Variants in CCDC149 observed in about 807,000 individuals in gnomAD.
CCDC149 encodes the protein coiled-coil domain containing 149, also known as coiled-coil domain-containing protein 149.
In CCDC149, 45 loss-of-function variants were observed where a neutral mutation model predicts 59.9. The ratio of observed to expected loss-of-function variants is 0.75; its 90% confidence interval spans 0.59 to 0.96. The LOEUF (loss-of-function observed/expected upper bound fraction) is 0.96, where lower values mean the gene tolerates loss of function less well. Ranked by LOEUF, CCDC149 falls within the 40% of genes least tolerant of loss-of-function variation. CCDC149 has a pLI of 0.00. For missense variants in CCDC149, 584 were observed against 664.7 expected, an observed-to-expected ratio of 0.88 and a Z score of 1.33; for synonymous variants, 245 against 260.6, an observed-to-expected ratio of 0.94 and a Z score of 0.58.
Position 24,808,648 on chromosome 4 carries a change from T to C in CCDC149, c.1364A>G (p.Asn455Ser). 19 of 1,552,414 alleles carry C rather than the reference T, an allele frequency of 1.2e-5. No homozygotes were observed. Among genetic ancestry groups the C allele is most frequent in the Non-Finnish European group, 1.5e-5 (17 of 1,147,146 alleles). Residue 455 changes from asparagine to serine, a missense_variant, in exon 13 of 13, where the codon AAC becomes AGC. Transcript: ENST00000635206. ...TTTAATTATTTCCCTCCCAAGGCTG[T>C]TTACTTCTTCCTCAGAAGGTAACTG...
chr4:24,940,204 A>G (rs1291467651), intron 1 of CCDC149, among the ~76,000 whole-genome samples: 1 of 152,254 alleles, frequency 6.6e-6, no homozygotes, highest in Admixed American at 6.5e-5. Flanking sequence ...CTCTTGGCAG[A>G]AACTCTACAA....
intron 4 of CCDC149, among the ~76,000 whole-genome samples, chr4:24,845,391 C>A (rs1717222048): frequency 6.6e-6 from 1 of 152,214 alleles, no homozygotes; most frequent in African/African-American, 2.4e-5. Flanking sequence ...CACTCTCTAG[C>A]CCCTTATCCT....
chr4:24,821,096 A>G lies in CCDC149; in HGVS notation c.1043-9T>C. 4 of 1,230,768 alleles carry G rather than the reference A, an allele frequency of 3.2e-6. No individual in the cohort carries two copies. The highest frequency in any genetic ancestry group is 4.1e-6 in the Non-Finnish European group (4 of 987,128). The allele number at this position is 1,230,768 out of a possible 1,614,324, so 76.2% of individuals were successfully genotyped here. On this transcript the variant is annotated splice_polypyrimidine_tract_variant and intron_variant, in intron 10 of 12. Coordinates refer to ENST00000635206, the MANE Select transcript of CCDC149 (RefSeq NM_001330643.2). Reference sequence around the variant, plus strand: ...AACATTGTAGCTCAGGCCTTCAGGCAGCAAAAAGAAAAAAAGGAAATAATT... The same window carrying G: ...AACATTGTAGCTCAGGCCTTCAGGCGGCAAAAAGAAAAAAAGGAAATAATT...
chr4:24,967,016 A>T (rs997920904), intron 1 of CCDC149, among the ~76,000 whole-genome samples: 12 of 152,190 alleles, frequency 7.9e-5, no homozygotes, highest in African/African-American at 2.9e-4. Context: ...TTTCATTGAC[A>T]GTTATGGAGG....
rs551353928 is a variant in CCDC149 at position 24,953,455 on chromosome 4, A to G, written c.-65+26614T>C. Reference sequence around the variant, plus strand: ...GCATTCAAAAACAACTGCCTGTACTAGCAAAATTAGAAAGTGACTGCGCAT... The same window carrying G: ...GCATTCAAAAACAACTGCCTGTACTGGCAAAATTAGAAAGTGACTGCGCAT... On this transcript the variant is annotated intron_variant, in intron 1 of 12. Coordinates refer to the CCDC149 transcript ENST00000389609. Among the ~76,000 whole-genome samples, 140 of 152,318 alleles carry G rather than the reference A, an allele frequency of 9.2e-4. 2 individuals are homozygous for G. Among genetic ancestry groups the G allele is most frequent in the African/African-American group, 3.1e-3 (127 of 41,554 alleles).
At chr4:24,844,710 T>C (rs911062716) in intron 4 of CCDC149, among the ~76,000 whole-genome samples, 1 of 151,686 alleles carries the variant, frequency 6.6e-6, no homozygotes, top group African/African-American at 2.4e-5. Context: ...GAGGCGGAGG[T>C]TGCAGTGAGC....
intron 1 of CCDC149, among the ~76,000 whole-genome samples, chr4:24,945,399 A>G (rs1407006026): frequency 2.0e-5 from 3 of 152,164 alleles, no homozygotes; most frequent in African/African-American, 7.2e-5. Flanking sequence ...GTGGTAACAG[A>G]GGCAGAGATT....
At chr4:24,861,565 T>C (rs993456023) in intron 3 of CCDC149, among the ~76,000 whole-genome samples, 3 of 151,654 alleles carry the variant, frequency 2.0e-5, no homozygotes, top group Non-Finnish European at 4.4e-5. Context: ...TGCACCAAAA[T>C]CTAAGAAATC....
intron 2 of CCDC149, among the ~76,000 whole-genome samples, chr4:24,874,244 G>GTTTTTTTTTTTTTTGTTTTTTTTTTT (rs1719242804): frequency 1.1e-5 from 1 of 87,486 alleles, no homozygotes; most frequent in African/African-American, 5.8e-5. Flanking sequence ...TATTAGATTT[G>GTTTTTTTTTTTTTTGTTTTTTTTTTT]TTTTTTTTTT....
chr4:24,976,150 CCT>C (rs1351849125), intron 1 of CCDC149, among the ~76,000 whole-genome samples: 3 of 152,290 alleles, frequency 2.0e-5, no homozygotes, highest in Non-Finnish European at 4.4e-5. Flanking sequence ...CCAATAATTA[CCT>C]TTTTCCTTAA....
At chr4:24,812,841 G>A (rs1714716625) in intron 12 of CCDC149, among the ~76,000 whole-genome samples, 1 of 152,198 alleles carries the variant, frequency 6.6e-6, no homozygotes, top group African/African-American at 2.4e-5. Context: ...GATTTTGTGA[G>A]ACTTATTCGC....
In CCDC149 at chr4:24,875,956, T is replaced by C. The variant is rs987189720; in HGVS notation, c.225+580A>G. 1.1e-4 allele frequency among the ~76,000 whole-genome samples: 16 copies of C among 152,246 alleles called. No individual in the cohort carries two copies. The South Asian group carries it at 3.3e-3, about 32-fold the overall frequency. ...GTCCAAACATGTTAAATAGAAAATT[T>C]CAACAATAAATAATTTATAAATTTT... is the stretch of plus-strand genomic sequence containing the variant. On this transcript the variant is annotated intron_variant, in intron 2 of 12. Transcript: ENST00000635206.
rs1472061450 is a variant in CCDC149, at chr4:24,912,850, C to T, written c.30G>A (p.Arg10=). The change falls in exon 1 of 13, where the codon CGG becomes CGA. Residue 10 remains arginine, a synonymous_variant. Coordinates refer to ENST00000635206, the MANE Select transcript of CCDC149 (RefSeq NM_001330643.2). ...CCAGCCCCTGCCAGTCGCTCTCAGT[C>T]CGGTCGCCGTTCATGGCCTCCTCCT... 2.2e-6 allele frequency: 3 copies of T among 1,380,764 alleles called. No homozygotes were observed. The East Asian group carries it at 1.1e-4, about 51-fold the overall frequency. The allele number at this position is 1,380,764 out of a possible 1,614,324, so 85.5% of individuals were successfully genotyped here.
chr4:24,881,909 G>A (rs1313511110), intron 1 of CCDC149, among the ~76,000 whole-genome samples: 3 of 152,178 alleles, frequency 2.0e-5, no homozygotes, highest in African/African-American at 2.4e-5. Context: ...AAGGGATTGC[G>A]AAGCCAGAAT....
chr4:24,930,103 G>A (rs116537244), intron 1 of CCDC149, among the ~76,000 whole-genome samples: 488 of 152,334 alleles, frequency 3.2e-3, no homozygotes, highest in African/African-American at 0.011. Context: ...TTACTTGCCT[G>A]TTTTTCAGCT....
Position 24,822,562 on chromosome 4 carries a change from T to C in CCDC149, c.977A>G (p.Asn326Ser). The C allele has an allele frequency of 6.5e-7, 1 of 1,533,394 alleles. No individual in the cohort carries two copies. The highest frequency in any genetic ancestry group is 8.8e-7 in the Non-Finnish European group (1 of 1,139,380). The allele number at this position is 1,533,394 out of a possible 1,614,324, so 95.0% of individuals were successfully genotyped here. A position where few individuals can be genotyped will look rare whatever the true frequency, so the allele number is the denominator to read the frequency against. The change falls in exon 10 of 13, where the codon AAT becomes AGT. Residue 326 changes from asparagine (N) to serine (S), a missense_variant. Physicochemically the swap from Asn to Ser is conservative, Grantham distance 46. Coordinates refer to ENST00000635206, the MANE Select transcript of CCDC149 (RefSeq NM_001330643.2). ...TTTTTTTTCCAGCTCAGCCACCCGA[T>C]TCCCTAGGATTCTGAAAAAAGGGGA...
chr4:24,841,774 T>G (rs1343244919), intron 4 of CCDC149, among the ~76,000 whole-genome samples: 1 of 152,230 alleles, frequency 6.6e-6, no homozygotes, highest in African/African-American at 2.4e-5. Context: ...CTCAGTATCC[T>G]TCTCTGCAAA....
chr4:24,905,370 T>A (rs1252893682), intron 1 of CCDC149, among the ~76,000 whole-genome samples: 1 of 152,030 alleles, frequency 6.6e-6, no homozygotes, highest in Admixed American at 6.6e-5. Flanking sequence ...TGATAACTTA[T>A]CTTTTTCATG....
chr4:24,963,111 C>T (rs538373918), intron 1 of CCDC149, among the ~76,000 whole-genome samples: 66 of 152,256 alleles, frequency 4.3e-4, no homozygotes, highest in Admixed American at 8.5e-4. Context: ...AAAACACCCA[C>T]AATCAAGCAG....
Sources: allele counts gnomAD v4.1 joint callset (sites outside exome capture counted in the v4.1 genomes callset), GRCh38; gene constraint gnomAD v4.1.1; transcripts MANE v1.5; gene names NCBI Gene and HGNC (gene_info 2026-07-23, HGNC 2026-07-21).